Variants in SORBS2 observed in about 807,000 individuals in gnomAD.
The protein encoded by SORBS2 is sorbin and SH3 domain containing 2, also known as sorbin and SH3 domain-containing protein 2.
In SORBS2, 46 loss-of-function variants were observed where a neutral mutation model predicts 97.7. The observed-to-expected ratio is 0.47, with a 90% CI of 0.37 to 0.60. The LOEUF is 0.60. Among genes scored for constraint, SORBS2 ranks in the 20% least tolerant of loss-of-function variants. SORBS2 has a pLI of 0.00. For synonymous variants in SORBS2, 476 were observed against 473.4 expected (o/e 1.01, Z -0.07); for missense variants, 1,316 against 1,282.3 (o/e 1.03, Z -0.40).
chr4:185,806,921 A>T (rs949596938), intron 1 of SORBS2, among the ~76,000 whole-genome samples: 1 of 152,182 alleles, frequency 6.6e-6, no homozygotes, highest in African/African-American at 2.4e-5. Context: ...GAAAAAATGT[A>T]CTAGGACAAG....
At chr4:185,933,910 A>T (rs964482481) in intron 1 of SORBS2, among the ~76,000 whole-genome samples, 19 of 152,232 alleles carry the variant, frequency 1.2e-4, no homozygotes, top group African/African-American at 4.3e-4. Flanking sequence ...GCTTAGGAAC[A>T]TAAGTTGACC....
intron 1 of SORBS2, among the ~76,000 whole-genome samples, chr4:185,795,099 T>C (rs143816685): frequency 0.01 from 1,545 of 152,312 alleles, 14 homozygotes; most frequent in Middle Eastern, 0.024. Flanking sequence ...ACCCTGTGCT[T>C]AGAACGGCCA....
chr4:185,644,637 C>T (rs1035081370), intron 4 of SORBS2, among the ~76,000 whole-genome samples: 7 of 152,222 alleles, frequency 4.6e-5, no homozygotes, highest in African/African-American at 1.7e-4. Flanking sequence ...TCATCTGTAA[C>T]ATGGAAATGC....
chr4:185,827,311 AC>A (rs1241250477), intron 1 of SORBS2, among the ~76,000 whole-genome samples: 1 of 149,388 alleles, frequency 6.7e-6, no homozygotes, highest in Non-Finnish European at 1.5e-5. Context: ...CACCATCATC[AC>A]CATCATCACC....
At chr4:185,605,570 ACCGCAG>A (rs1300224417) in intron 12 of SORBS2, among the ~76,000 whole-genome samples, 9 of 151,810 alleles carry the variant, frequency 5.9e-5, no homozygotes, top group African/African-American at 2.2e-4. Flanking sequence ...GGCGTAAGCC[ACCGCAG>A]CTGGCCTTAA....
intron 1 of SORBS2, among the ~76,000 whole-genome samples, chr4:185,871,196 G>A (rs1429013220): frequency 6.6e-6 from 1 of 151,776 alleles, no homozygotes; most frequent in Non-Finnish European, 1.5e-5. Flanking sequence ...TGTTTTTTTT[G>A]TACCTTAACA....
At chr4:185,871,933 G>A (rs1021932008) in intron 1 of SORBS2, among the ~76,000 whole-genome samples, 17 of 152,198 alleles carry the variant, frequency 1.1e-4, no homozygotes, top group African/African-American at 4.1e-4. Flanking sequence ...CATCTCTAAT[G>A]TCATACTGCT....
At chr4:185,944,128 T>G (rs1040554838) in intron 1 of SORBS2, among the ~76,000 whole-genome samples, 2 of 152,202 alleles carry the variant, frequency 1.3e-5, no homozygotes, top group Non-Finnish European at 2.9e-5. Context: ...GTAATATAAC[T>G]GATCATATAT....
At chr4:185,804,869 G>GTT (rs34754893) in intron 1 of SORBS2, among the ~76,000 whole-genome samples, 16 of 151,626 alleles carry the variant, frequency 1.1e-4, no homozygotes, top group South Asian at 6.2e-4. Context: ...AGCTTCTATG[G>GTT]TTTTTTTTAA....
At chr4:185,909,108 T>C (rs2099253403) in intron 1 of SORBS2, among the ~76,000 whole-genome samples, 1 of 152,222 alleles carries the variant, frequency 6.6e-6, no homozygotes, top group Non-Finnish European at 1.5e-5. Flanking sequence ...ATGTGTTTAC[T>C]GTAGCAGTAC....
chr4:185,842,311 T>C (rs2099212021), intron 1 of SORBS2, among the ~76,000 whole-genome samples: 1 of 152,112 alleles, frequency 6.6e-6, no homozygotes, highest in African/African-American at 2.4e-5. Context: ...GAGAACAAAC[T>C]TGGTTGGCTC....
chr4:185,878,031 G>A (rs1000476859), intron 1 of SORBS2, among the ~76,000 whole-genome samples: 3 of 152,070 alleles, frequency 2.0e-5, no homozygotes, highest in African/African-American at 4.8e-5. Flanking sequence ...CATGTTCCAC[G>A]GCTGTTAAAA....
chr4:185,637,939 T>G (rs545586345), intron 4 of SORBS2, 140 bp downstream of exon 15: 23 of 615,992 alleles, frequency 3.7e-5, no homozygotes, highest in Non-Finnish European at 6.1e-5. Flanking sequence ...GAATCTGGAC[T>G]ACGCTGTACC....
In SORBS2 at chr4:185,646,818, C is replaced by A. The variant is rs373855924; in HGVS notation, c.282-36G>T. The stretch of plus-strand genomic sequence containing the variant: ...ACAATAAATCACACATTAAAATAAT[C>A]CTTTTTGCTTAAAGCAATTGTGTAA... On this transcript the variant is annotated intron_variant, in intron 3 of 14. Transcript: ENST00000418609. The A allele has an allele frequency of 2.6e-5, 32 of 1,211,414 alleles. 1 individual carries two copies. Among genetic ancestry groups the A allele is most frequent in the African/African-American group, 8.9e-5 (6 of 67,296 alleles). 75.0% of individuals were successfully genotyped at this position (1,211,414 alleles called of 1,614,324 possible).
At chr4:185,622,684 A>G (rs960258209) in intron 7 of SORBS2, among the ~76,000 whole-genome samples, 15 of 152,318 alleles carry the variant, frequency 9.8e-5, no homozygotes, top group Non-Finnish European at 2.2e-4. Context: ...GAAAGAGTAA[A>G]TTTTTGTGAA....
intron 1 of SORBS2, among the ~76,000 whole-genome samples, chr4:185,906,952 C>T (rs1221777544): frequency 2.0e-5 from 3 of 151,966 alleles, no homozygotes; most frequent in South Asian, 2.1e-4. Flanking sequence ...ATGGCGAAAC[C>T]CCGTGTCTAC....
At chr4:185,738,134 C>A (rs578142634) in intron 2 of SORBS2, among the ~76,000 whole-genome samples, 1 of 152,340 alleles carries the variant, frequency 6.6e-6, no homozygotes, top group African/African-American at 2.4e-5. Flanking sequence ...TTATGTGGAG[C>A]TTTGAGATGA....
At chr4:185,632,201 T>G (rs961042141) in intron 4 of SORBS2, among the ~76,000 whole-genome samples, 1 of 152,358 alleles carries the variant, frequency 6.6e-6, no homozygotes, top group South Asian at 2.1e-4. Context: ...TTTGCATAAC[T>G]TACGCTTCTA....
chr4:185,774,151 T>G (rs1226283238), intron 2 of SORBS2: 1 of 152,186 alleles, frequency 6.6e-6, no homozygotes, highest in Non-Finnish European at 1.5e-5. Flanking sequence ...AAAGCACCAG[T>G]TGGGCCCCAA....
Sources: allele counts gnomAD v4.1 joint callset (sites outside exome capture counted in the v4.1 genomes callset), GRCh38; gene constraint gnomAD v4.1.1; transcripts MANE v1.5; gene names NCBI Gene and HGNC (gene_info 2026-07-23, HGNC 2026-07-21).